The following PDE7B variants were observed in gnomAD, a reference collection of about 807,000 sequenced individuals.
PDE7B encodes phosphodiesterase 7B.
Under a neutral mutation model 56.2 loss-of-function variants are expected in PDE7B, and 29 were observed. The observed-to-expected ratio is 0.52, with a 90% CI of 0.38 to 0.70. The LOEUF is 0.70. Ranked by LOEUF, PDE7B falls within the 30% of genes least tolerant of loss-of-function variation. PDE7B has a pLI of 0.00. For synonymous variants in PDE7B, 197 were observed against 196.9 expected, an observed-to-expected ratio of 1.00 and a Z score of 0.00; for missense variants, 490 against 565.0, an observed-to-expected ratio of 0.87 and a Z score of 1.35.
intron 1 of PDE7B, among the ~76,000 whole-genome samples, chr6:135,878,440 A>C (rs965736538): frequency 2.6e-5 from 4 of 152,200 alleles, no homozygotes; most frequent in African/African-American, 9.6e-5. Context: ...AATAACTTTG[A>C]CAACTTTTCC....
chr6:136,159,192 A>T (rs144354355), intron 8 of PDE7B, among the ~76,000 whole-genome samples: 1 of 152,202 alleles, frequency 6.6e-6, no homozygotes. Context: ...AATCACAAAC[A>T]TGAAGTTGAC....
chr6:136,022,710 C>T (rs1776092630), intron 2 of PDE7B, among the ~76,000 whole-genome samples: 1 of 152,176 alleles, frequency 6.6e-6, no homozygotes, highest in Non-Finnish European at 1.5e-5. Flanking sequence ...AGCCATTGCC[C>T]TTCAGCTATC....
At chr6:135,869,701 G>A (rs1373958813) in intron 1 of PDE7B, among the ~76,000 whole-genome samples, 1 of 152,188 alleles carries the variant, frequency 6.6e-6, no homozygotes, top group Non-Finnish European at 1.5e-5. Flanking sequence ...TGGCTGTGGA[G>A]ACTTGGCTCC....
intron 2 of PDE7B, among the ~76,000 whole-genome samples, chr6:136,025,402 G>A (rs1776134504): frequency 6.6e-6 from 1 of 152,188 alleles, no homozygotes; most frequent in Admixed American, 6.5e-5. Context: ...ACTAGGTTTA[G>A]TAGGTCAAAG....
chr6:135,928,572 T>C (rs747431021), intron 1 of PDE7B, among the ~76,000 whole-genome samples: 3 of 144,452 alleles, frequency 2.1e-5, no homozygotes, highest in Non-Finnish European at 4.5e-5. Context: ...TATATACATA[T>C]ATACACACAC....
intron 2 of PDE7B, among the ~76,000 whole-genome samples, chr6:136,022,795 G>T (rs999393733): frequency 5.9e-5 from 9 of 152,170 alleles, no homozygotes; most frequent in Non-Finnish European, 1.2e-4. Flanking sequence ...GCACAAAATG[G>T]TATCCCTTCT....
rs575132190 is a variant in PDE7B, at chr6:135,880,094, C to T, written c.21+28075C>T. Among the ~76,000 whole-genome samples the T allele has an allele frequency of 2.5e-4, 38 of 152,262 alleles. 1 individual carries two copies. The highest frequency in any genetic ancestry group is 1.0e-3 in the South Asian group (5 of 4,826). ...TGGAAAAATCACTCTTGTTTTCATA[C>T]GCATCGTAAAACATCACCCCACAAA... On this transcript the variant is annotated intron_variant, in intron 1 of 12. Transcript: ENST00000308191.
At chr6:135,912,987 G>A (rs1012176579) in intron 1 of PDE7B, among the ~76,000 whole-genome samples, 4 of 152,028 alleles carry the variant, frequency 2.6e-5, no homozygotes, top group African/African-American at 9.7e-5. Flanking sequence ...AACATCCTGG[G>A]CAAAGCAGGG....
chr6:136,065,239 T>G (rs1776913660), intron 2 of PDE7B, among the ~76,000 whole-genome samples: 1 of 152,180 alleles, frequency 6.6e-6, no homozygotes. Context: ...ATTTCTCCTA[T>G]ACAATTATTT....
intron 2 of PDE7B, among the ~76,000 whole-genome samples, chr6:136,065,577 G>C (rs550789766): frequency 1.3e-5 from 2 of 151,978 alleles, no homozygotes; most frequent in African/African-American, 4.8e-5. Flanking sequence ...GCTTAAAATC[G>C]GCTCACCCCT....
At chr6:135,915,191 A>G (rs773162296) in intron 1 of PDE7B, among the ~76,000 whole-genome samples, 1 of 152,066 alleles carries the variant, frequency 6.6e-6, no homozygotes, top group Non-Finnish European at 1.5e-5. Context: ...TTAACTGCCT[A>G]TTCCCCAGTT....
Position 136,076,164 on chromosome 6 carries a change from A to G in PDE7B, c.83-32567A>G, listed in dbSNP as rs543246600. 5.3e-5 allele frequency among the ~76,000 whole-genome samples: 8 copies of G among 152,278 alleles called. 1 individual carries two copies. In the South Asian group the frequency reaches 1.7e-3, roughly 32 times the overall value. On this transcript the variant is annotated intron_variant, in intron 2 of 12. Coordinates refer to ENST00000308191, the MANE Select transcript of PDE7B (RefSeq NM_018945.4). ...ACCACTAAGTGCCTGCAGAAGAGAG[A>G]AGCCTAACCAAAATAAACTGATGCA... is the stretch of plus-strand genomic sequence containing the variant.
At chr6:135,907,866 C>A (rs1002284828) in intron 1 of PDE7B, among the ~76,000 whole-genome samples, 1 of 152,002 alleles carries the variant, frequency 6.6e-6, no homozygotes, top group Admixed American at 6.5e-5. Flanking sequence ...ATTCATTCCT[C>A]CTATAGGGAG....
chr6:135,974,905 C>G (rs1246516264), intron 2 of PDE7B, among the ~76,000 whole-genome samples: 1 of 152,126 alleles, frequency 6.6e-6, no homozygotes, highest in Non-Finnish European at 1.5e-5. Context: ...ATTTGCAAGT[C>G]TCCAAAACTC....
At chr6:136,102,499 G>A (rs568509103) in intron 2 of PDE7B, among the ~76,000 whole-genome samples, 86 of 152,290 alleles carry the variant, frequency 5.6e-4, no homozygotes, top group Middle Eastern at 6.8e-3. Flanking sequence ...ACACCCATCC[G>A]TGTTTTCATT....
chr6:135,987,838 CACAT>C lies in PDE7B; in HGVS notation c.82+40318_82+40321del, dbSNP rs781178343. Among the ~76,000 whole-genome samples the C allele has an allele frequency of 4.3e-4, 61 of 141,428 alleles. 1 individual carries two copies. The highest frequency in any genetic ancestry group is 1.4e-3 in the African/African-American group (44 of 31,914). The allele number at this position is 141,428 out of a possible 152,430, so 92.8% of individuals were successfully genotyped here. A position where few individuals can be genotyped will look rare whatever the true frequency, so the allele number is the denominator to read the frequency against. On this transcript the variant is annotated intron_variant, in intron 2 of 12. Transcript: ENST00000308191. ...AGCAAATAATAAAGACACACACACA[CACAT>C]ACACACACACACATATATAATCACC...
intron 1 of PDE7B, among the ~76,000 whole-genome samples, chr6:135,916,585 G>A (rs1263586648): frequency 6.6e-6 from 1 of 151,346 alleles, no homozygotes; most frequent in African/African-American, 2.4e-5. Flanking sequence ...TAGAGATGGG[G>A]TTTCACCATG....
intron 2 of PDE7B, among the ~76,000 whole-genome samples, chr6:136,078,115 G>A (rs1342710781): frequency 6.6e-6 from 1 of 152,214 alleles, no homozygotes; most frequent in African/African-American, 2.4e-5. Flanking sequence ...TGACATCTTA[G>A]CACTGACACA....
chr6:135,970,650 T>C (rs76838928), intron 2 of PDE7B, among the ~76,000 whole-genome samples: 4,558 of 152,260 alleles, frequency 0.03, 229 homozygotes, highest in African/African-American at 0.1. Context: ...TTAGATTTCA[T>C]TCTATTATAT....
Sources: gnomAD v4.1 joint callset for allele counts (sites outside exome capture counted in the v4.1 genomes callset) on GRCh38, gnomAD v4.1.1 for gene constraint, MANE v1.5 for transcripts, NCBI Gene and HGNC (gene_info 2026-07-23, HGNC 2026-07-21) for gene names.